The following SYT9 variants were observed in gnomAD, a reference collection of about 807,000 sequenced individuals.
SYT9 encodes synaptotagmin-9.
A neutral mutation model predicts 48.4 loss-of-function variants in SYT9; 22 were observed. The observed-to-expected ratio is 0.45, with a 90% CI of 0.32 to 0.65. SYT9 has a LOEUF of 0.65. Among genes scored for constraint, SYT9 ranks in the 30% least tolerant of loss-of-function variants. SYT9 has a pLI of 0.03. For missense variants in SYT9, 577 were observed against 622.0 expected, an observed-to-expected ratio of 0.93 and a Z score of 0.77; for synonymous variants, 265 against 245.0, an observed-to-expected ratio of 1.08 and a Z score of -0.76.
At chr11:7,264,036 A>G (rs1848128952) in intron 1 of SYT9, among the ~76,000 whole-genome samples, 1 of 152,072 alleles carries the variant, frequency 6.6e-6, no homozygotes, top group Non-Finnish European at 1.5e-5. Context: ...TTTTTCAACA[A>G]CAGTTTGTTT....
chr11:7,360,278 G>A (rs1850107669), intron 3 of SYT9, among the ~76,000 whole-genome samples: 2 of 152,176 alleles, frequency 1.3e-5, no homozygotes, highest in South Asian at 2.1e-4. Flanking sequence ...TTTGAAGTCA[G>A]GTAGTGTGAT....
chr11:7,356,686 G>C (rs529043503), intron 3 of SYT9, among the ~76,000 whole-genome samples: 1 of 152,328 alleles, frequency 6.6e-6, no homozygotes, highest in South Asian at 2.1e-4. Context: ...ACATTTTACA[G>C]TAGATGCAAT....
At chr11:7,446,976 C>T (rs1847945440) in intron 6 of SYT9, among the ~76,000 whole-genome samples, 2 of 152,228 alleles carry the variant, frequency 1.3e-5, no homozygotes, top group African/African-American at 4.8e-5. Context: ...ACCTCAGGGC[C>T]CAGAGGCATA....
chr11:7,252,348 C>G lies in SYT9; in HGVS notation c.145+17C>G. 1 of 1,450,786 alleles carries G rather than the reference C, an allele frequency of 6.9e-7. No individual in the cohort carries two copies. The allele number at this position is 1,450,786 out of a possible 1,614,324, so 89.9% of individuals were successfully genotyped here. A position where few individuals can be genotyped will look rare whatever the true frequency, so the allele number is the denominator to read the frequency against. Reference sequence around the variant, plus strand: ...GCGACCCAGGTGAGTGCCGCCACCGCCGCCTGGAGGGACCTAAGGGCCCTG... The same window carrying G: ...GCGACCCAGGTGAGTGCCGCCACCGGCGCCTGGAGGGACCTAAGGGCCCTG... On this transcript the variant is annotated intron_variant, in intron 1 of 6. Coordinates refer to ENST00000318881, the MANE Select transcript of SYT9 (RefSeq NM_175733.4). The surrounding 1 kb of genome is among the most constrained non-coding windows in gnomAD (Gnocchi z 6.3).
intron 1 of SYT9, among the ~76,000 whole-genome samples, chr11:7,287,355 T>C (rs1372581055): frequency 6.6e-6 from 1 of 152,170 alleles, no homozygotes; most frequent in Non-Finnish European, 1.5e-5. Flanking sequence ...TCCCATGATA[T>C]GTGGGGATTA....
chr11:7,310,998 T>G (rs1304446238), intron 2 of SYT9, among the ~76,000 whole-genome samples: 1 of 152,156 alleles, frequency 6.6e-6, no homozygotes, highest in Non-Finnish European at 1.5e-5. Context: ...CCATGTATTT[T>G]AAATTAAAAT....
At chr11:7,376,247 C>T (rs1222180086) in intron 3 of SYT9, among the ~76,000 whole-genome samples, 2 of 151,396 alleles carry the variant, frequency 1.3e-5, no homozygotes, top group Admixed American at 6.6e-5. Context: ...GAAAACCTAC[C>T]TGTTTCTCTT....
At chr11:7,299,065 C>T (rs964838057) in intron 1 of SYT9, among the ~76,000 whole-genome samples, 11 of 152,014 alleles carry the variant, frequency 7.2e-5, no homozygotes, top group East Asian at 5.8e-4. Flanking sequence ...AATTATGTCA[C>T]GACTATTTTT....
At chr11:7,300,354 G>A (rs1589925728) in intron 1 of SYT9, among the ~76,000 whole-genome samples, 1 of 152,174 alleles carries the variant, frequency 6.6e-6, no homozygotes, top group Non-Finnish European at 1.5e-5. Context: ...GCAGAATGTG[G>A]GAGCACAAGG....
chr11:7,449,186 A>G (rs1847993345), intron 6 of SYT9, among the ~76,000 whole-genome samples: 1 of 152,054 alleles, frequency 6.6e-6, no homozygotes. Flanking sequence ...TCTACTAAAA[A>G]TACAAAAATT....
chr11:7,382,255 T>A (rs1170126808), intron 3 of SYT9, among the ~76,000 whole-genome samples: 3 of 152,178 alleles, frequency 2.0e-5, no homozygotes, highest in Non-Finnish European at 2.9e-5. Context: ...GTGAGAGAGA[T>A]GGTGGTATCT....
chr11:7,419,246 C>G (rs1474338627), intron 5 of SYT9, among the ~76,000 whole-genome samples: 2 of 152,204 alleles, frequency 1.3e-5, no homozygotes, highest in Non-Finnish European at 2.9e-5. Context: ...ATGGACAAAT[C>G]TGATTATGTG....
At chr11:7,390,158 C>T (rs944283154) in intron 3 of SYT9, among the ~76,000 whole-genome samples, 2 of 152,104 alleles carry the variant, frequency 1.3e-5, no homozygotes, top group South Asian at 2.1e-4. Context: ...CAACAGGCCC[C>T]AGTGTGTGAT....
intron 3 of SYT9, among the ~76,000 whole-genome samples, chr11:7,369,714 A>C (rs2134028028): frequency 7.0e-6 from 1 of 143,202 alleles, no homozygotes; most frequent in African/African-American, 2.6e-5. Context: ...TTCTCCGGAT[A>C]ATGGGTTTTT....
intron 6 of SYT9, among the ~76,000 whole-genome samples, chr11:7,442,967 TGA>T (rs902783476): frequency 4.6e-5 from 7 of 150,598 alleles, no homozygotes; most frequent in Non-Finnish European, 8.9e-5. Context: ...GTGAGGAAAA[TGA>T]GAGAGAGGGA....
intron 1 of SYT9, among the ~76,000 whole-genome samples, chr11:7,292,155 A>G (rs144628443): frequency 4.6e-5 from 7 of 152,302 alleles, no homozygotes; most frequent in African/African-American, 1.7e-4. Flanking sequence ...ATTTTTCTAA[A>G]TGCTCATTCA....
intron 3 of SYT9, among the ~76,000 whole-genome samples, chr11:7,328,477 G>C (rs1025459264): frequency 2.6e-5 from 4 of 152,028 alleles, no homozygotes; most frequent in Admixed American, 2.0e-4. Context: ...ATTTAATAAA[G>C]TAAAAAGTTA....
intron 3 of SYT9, among the ~76,000 whole-genome samples, chr11:7,401,173 T>C (rs1007974123): frequency 5.3e-5 from 8 of 152,104 alleles, no homozygotes; most frequent in Non-Finnish European, 1.2e-4. Flanking sequence ...ACACAAACTG[T>C]TTTACACACA....
intron 6 of SYT9, among the ~76,000 whole-genome samples, chr11:7,423,680 TC>T (rs1219979367): frequency 1.3e-5 from 2 of 152,166 alleles, no homozygotes; most frequent in East Asian, 3.9e-4. Context: ...TGGGCCTATG[TC>T]CTGTGAAGAA....
Sources: allele counts gnomAD v4.1 joint callset (sites outside exome capture counted in the v4.1 genomes callset), GRCh38; gene constraint gnomAD v4.1.1; non-coding constraint Gnocchi (gnomAD v3.1); transcripts MANE v1.5; gene names NCBI Gene and HGNC (gene_info 2026-07-23, HGNC 2026-07-21).